PTPRT: variants seen among roughly 807,000 people sequenced by gnomAD.
PTPRT encodes protein tyrosine phosphatase receptor type T.
PTPRT carries 56 observed loss-of-function variants against 176.8 expected under a neutral mutation model. That is an observed-to-expected ratio of 0.32 (90% CI 0.26 to 0.40). The LOEUF is 0.40. Among genes scored for constraint, PTPRT ranks in the 10% least tolerant of loss-of-function variants. PTPRT has a pLI of 1.00. For synonymous variants in PTPRT, 783 were observed against 739.0 expected, an observed-to-expected ratio of 1.06 and a Z score of -0.96; for missense variants, 1,540 against 1,908.2, an observed-to-expected ratio of 0.81 and a Z score of 3.60.
At chr20:42,304,710 T>C (rs1347536237) in intron 12 of PTPRT, among the ~76,000 whole-genome samples, 1 of 152,196 alleles carries the variant, frequency 6.6e-6, no homozygotes, top group Non-Finnish European at 1.5e-5. Context: ...AGTGCAAATG[T>C]CTCCATTAAC....
chr20:42,379,043 C>G (rs1274790194), intron 9 of PTPRT, among the ~76,000 whole-genome samples: 17 of 152,202 alleles, frequency 1.1e-4, no homozygotes, highest in Non-Finnish European at 1.5e-5. Context: ...TCCATTTTTG[C>G]ACTTGGAATG....
At chr20:42,917,349 G>C (rs1461278412) in intron 1 of PTPRT, among the ~76,000 whole-genome samples, 2 of 152,152 alleles carry the variant, frequency 1.3e-5, no homozygotes, top group African/African-American at 4.8e-5. Flanking sequence ...GTACCATGCT[G>C]TTTTGGTTAC....
intron 9 of PTPRT, among the ~76,000 whole-genome samples, chr20:42,428,127 A>C (rs2059183019): frequency 3.3e-5 from 5 of 152,206 alleles, no homozygotes; most frequent in Admixed American, 3.3e-4. Flanking sequence ...ATTAGGTTTT[A>C]TCATAAGAAT....
At chr20:42,136,657 A>C (rs1392210223) in intron 18 of PTPRT, among the ~76,000 whole-genome samples, 2 of 152,192 alleles carry the variant, frequency 1.3e-5, no homozygotes, top group Non-Finnish European at 2.9e-5. Context: ...CTGTGTCCTA[A>C]GGATGCCATC....
chr20:42,951,853 G>A (rs970664261), intron 1 of PTPRT, among the ~76,000 whole-genome samples: 12 of 152,170 alleles, frequency 7.9e-5, no homozygotes, highest in African/African-American at 2.7e-4. Flanking sequence ...TTCCTCAGCT[G>A]TAGATTGTGG....
intron 9 of PTPRT, among the ~76,000 whole-genome samples, chr20:42,388,291 A>T (rs563390254): frequency 1.3e-5 from 2 of 152,364 alleles, no homozygotes; most frequent in South Asian, 2.1e-4. Flanking sequence ...TAATTAAACT[A>T]AAGAGCTTCT....
intron 2 of PTPRT, among the ~76,000 whole-genome samples, chr20:42,817,420 A>G (rs148198382): frequency 2.0e-5 from 3 of 150,168 alleles, no homozygotes; most frequent in African/African-American, 4.9e-5. Context: ...ACATAAAACT[A>G]TAGAACAATC....
chr20:42,775,291 A>G (rs1362201903), intron 4 of PTPRT, among the ~76,000 whole-genome samples: 1 of 152,230 alleles, frequency 6.6e-6, no homozygotes, highest in East Asian at 1.9e-4. Flanking sequence ...TAAACCTGAC[A>G]GTGCTCAGTA....
Position 43,175,139 on chromosome 20 carries a change from T to C in PTPRT, c.88+14507A>G, listed in dbSNP as rs181385830. On this transcript the variant is annotated intron_variant, in intron 1 of 30. Transcript: ENST00000373187. ...TATGAAAGAATCTCTGCTATTTCTC[T>C]GGGATGCGAGGAAGTCTCCTCCATG... Among the ~76,000 whole-genome samples the C allele has an allele frequency of 5.1e-3, 775 of 152,350 alleles. 2 individuals carry two copies. Among genetic ancestry groups the C allele is most frequent in the Non-Finnish European group, 8.1e-3 (548 of 68,032 alleles).
At chr20:42,811,687 G>A (rs1458073423) in intron 2 of PTPRT, among the ~76,000 whole-genome samples, 1 of 152,048 alleles carries the variant, frequency 6.6e-6, no homozygotes, top group Non-Finnish European at 1.5e-5. Context: ...AGTTTTAATT[G>A]TTGGTGGCCG....
rs545442397 is a variant in PTPRT at position 42,656,193 on chromosome 20, T to C, written c.1153+21673A>G. On this transcript the variant is annotated intron_variant, in intron 7 of 30. Coordinates refer to ENST00000373187, the MANE Select transcript of PTPRT (RefSeq NM_007050.6). ...TAGGTATGGAGGCATGGCCTTTTCTTCCTTAAGAGGGAGAAAAGCTGAGGC... is the reference window on the plus strand; with the variant it reads ...TAGGTATGGAGGCATGGCCTTTTCTCCCTTAAGAGGGAGAAAAGCTGAGGC... Among the ~76,000 whole-genome samples the C allele has an allele frequency of 2.6e-5, 4 of 152,206 alleles. No homozygotes were observed. In the South Asian group the frequency reaches 8.3e-4, roughly 32 times the overall value.
chr20:42,925,594 G>A (rs1979431965), intron 1 of PTPRT, among the ~76,000 whole-genome samples: 1 of 152,198 alleles, frequency 6.6e-6, no homozygotes, highest in Non-Finnish European at 1.5e-5. Context: ...TGAACCACCA[G>A]TAATGTCCCA....
intron 2 of PTPRT, among the ~76,000 whole-genome samples, chr20:42,877,927 G>A (rs2078961299): frequency 6.6e-6 from 1 of 152,202 alleles, no homozygotes; most frequent in African/African-American, 2.4e-5. Context: ...CCTGGCTTGT[G>A]TTTAGTGCTT....
chr20:42,149,860 C>T (rs1421009972), intron 17 of PTPRT, among the ~76,000 whole-genome samples: 2 of 152,046 alleles, frequency 1.3e-5, no homozygotes, highest in African/African-American at 2.4e-5. Flanking sequence ...ATCTGGTACC[C>T]GCCCCAGACT....
intron 7 of PTPRT, among the ~76,000 whole-genome samples, chr20:42,508,122 CCTT>C (rs1211811623): frequency 4.2e-5 from 6 of 143,994 alleles, no homozygotes; most frequent in Admixed American, 1.4e-4. Context: ...CAGTAATTAC[CCTT>C]TTTGTGTGTG....
At chr20:42,068,108 C>T (rs1982152212), downstream of PTPRT, among the ~76,000 whole-genome samples, 1 of 152,092 alleles carries the variant, frequency 6.6e-6, no homozygotes, top group South Asian at 2.1e-4. Flanking sequence ...CCTCCAGGCC[C>T]CTATCAGTCA....
At chr20:42,621,024 A>AC (rs2074185343) in intron 7 of PTPRT, among the ~76,000 whole-genome samples, 1 of 152,182 alleles carries the variant, frequency 6.6e-6, no homozygotes, top group Non-Finnish European at 1.5e-5. Context: ...TATCAGGAGA[A>AC]CAGCATGGGA....
At chr20:42,905,964 G>T (rs2079471615) in intron 1 of PTPRT, among the ~76,000 whole-genome samples, 1 of 152,116 alleles carries the variant, frequency 6.6e-6, no homozygotes, top group African/African-American at 2.4e-5. Flanking sequence ...AATACCTAAT[G>T]TAAATGATGA....
At chr20:42,267,426 C>T (rs567683761) in intron 13 of PTPRT, among the ~76,000 whole-genome samples, 4 of 152,192 alleles carry the variant, frequency 2.6e-5, no homozygotes, top group African/African-American at 9.6e-5. Context: ...GAGTTAGATA[C>T]ATTATATTAT....
Sources: gnomAD v4.1 joint callset for allele counts (sites outside exome capture counted in the v4.1 genomes callset) on GRCh38, gnomAD v4.1.1 for gene constraint, MANE v1.5 for transcripts, NCBI Gene and HGNC (gene_info 2026-07-23, HGNC 2026-07-21) for gene names.